The following FAM117B variants were observed in gnomAD, a reference collection of about 807,000 sequenced individuals.
FAM117B encodes protein FAM117B.
A neutral mutation model predicts 52.8 loss-of-function variants in FAM117B; 22 were observed. That is an observed-to-expected ratio of 0.42 (90% CI 0.30 to 0.59). The LOEUF (loss-of-function observed/expected upper bound fraction) is 0.59. FAM117B is among the 20% of genes least tolerant of loss of function. FAM117B has a pLI of 0.22. For synonymous variants in FAM117B, 309 were observed against 324.1 expected (o/e 0.95, Z 0.50); for missense variants, 678 against 802.6 (o/e 0.84, Z 1.88).
At chr2:202,702,198 C>T (rs62194143) in intron 2 of FAM117B, among the ~76,000 whole-genome samples, 7,787 of 152,056 alleles carry the variant, frequency 0.051, 243 homozygotes, top group Middle Eastern at 0.088. Flanking sequence ...CGAGACCAGC[C>T]GGACCAACAT....
At chr2:202,699,152 T>C (rs1034078976) in intron 2 of FAM117B, among the ~76,000 whole-genome samples, 1 of 151,724 alleles carries the variant, frequency 6.6e-6, no homozygotes, top group Non-Finnish European at 1.5e-5. Flanking sequence ...TAGATCTGGG[T>C]GTGGTGGCTC....
At chr2:202,706,723 T>G (rs898852289) in intron 2 of FAM117B, among the ~76,000 whole-genome samples, 1 of 152,220 alleles carries the variant, frequency 6.6e-6, no homozygotes, top group African/African-American at 2.4e-5. Flanking sequence ...AGAAGTAAAA[T>G]TACTTTTTGA....
At chr2:202,682,124 C>G (rs1690471422) in intron 1 of FAM117B, among the ~76,000 whole-genome samples, 1 of 152,194 alleles carries the variant, frequency 6.6e-6, no homozygotes, top group Non-Finnish European at 1.5e-5. Context: ...TTTTCAGCTC[C>G]TCTTCACACT....
intron 1 of FAM117B, among the ~76,000 whole-genome samples, chr2:202,637,661 G>A (rs1033273317): frequency 6.6e-6 from 1 of 152,158 alleles, no homozygotes; most frequent in African/African-American, 2.4e-5. Context: ...CTATTTGGCA[G>A]GTGGTTTTTA....
intron 1 of FAM117B, among the ~76,000 whole-genome samples, chr2:202,686,895 A>G (rs936242098): frequency 6.6e-6 from 1 of 152,160 alleles, no homozygotes; most frequent in Non-Finnish European, 1.5e-5. Flanking sequence ...TAGGATACAT[A>G]TATATTTTAT....
At chr2:202,636,270 C>A (rs1689685426) in intron 1 of FAM117B, among the ~76,000 whole-genome samples, 1 of 152,202 alleles carries the variant, frequency 6.6e-6, no homozygotes. Context: ...AATGCATTAG[C>A]AGTGGCAGAT....
intron 4 of FAM117B, among the ~76,000 whole-genome samples, chr2:202,751,172 TA>T (rs1444325418): frequency 6.6e-6 from 1 of 152,246 alleles, no homozygotes; most frequent in African/African-American, 2.4e-5. Context: ...ACAATTCACC[TA>T]AAAATTGCAT....
intron 4 of FAM117B, among the ~76,000 whole-genome samples, chr2:202,741,170 C>T (rs1192701673): frequency 6.6e-6 from 1 of 151,830 alleles, no homozygotes; most frequent in Non-Finnish European, 1.5e-5. Flanking sequence ...TGCCTTAATC[C>T]CAGCACTTTG....
At chr2:202,761,806 C>T (rs2105801362) in intron 7 of FAM117B, among the ~76,000 whole-genome samples, 1 of 152,222 alleles carries the variant, frequency 6.6e-6, no homozygotes, top group African/African-American at 2.4e-5. Context: ...GGATTACAGG[C>T]ATGAGCCACC....
intron 4 of FAM117B, among the ~76,000 whole-genome samples, chr2:202,754,967 T>C (rs2105799057): frequency 6.6e-6 from 1 of 151,370 alleles, no homozygotes; most frequent in East Asian, 1.9e-4. Flanking sequence ...TGGCATTTAC[T>C]TGGTGTCCGG....
At chr2:202,644,064 G>GTTTTTTTTTTTTTTTTTTTTC (rs1689818012) in intron 1 of FAM117B, among the ~76,000 whole-genome samples, 1 of 95,138 alleles carries the variant, frequency 1.1e-5, no homozygotes, top group Non-Finnish European at 1.9e-5. Context: ...TTTTTTTTTT[G>GTTTTTTTTTTTTTTTTTTTTC]TTTTTTTTTT....
intron 2 of FAM117B, among the ~76,000 whole-genome samples, chr2:202,703,469 C>A (rs1196023498): frequency 6.6e-6 from 1 of 152,198 alleles, no homozygotes; most frequent in Admixed American, 6.5e-5. Context: ...GCCTCCCCTG[C>A]CCAGCCTCCT....
intron 1 of FAM117B, among the ~76,000 whole-genome samples, chr2:202,636,246 G>A (rs571768927): frequency 6.6e-6 from 1 of 152,232 alleles, no homozygotes; most frequent in Non-Finnish European, 1.5e-5. Flanking sequence ...AACAGTTTCA[G>A]ATCTGGGGTA....
At chr2:202,658,192 G>A (rs1559095990) in intron 1 of FAM117B, among the ~76,000 whole-genome samples, 1 of 152,080 alleles carries the variant, frequency 6.6e-6, no homozygotes, top group East Asian at 1.9e-4. Flanking sequence ...TATTCCTGAA[G>A]TTAGTTTCCC....
At chr2:202,640,406 G>A (rs1453024379) in intron 1 of FAM117B, among the ~76,000 whole-genome samples, 2 of 141,292 alleles carry the variant, frequency 1.4e-5, no homozygotes, top group Non-Finnish European at 1.5e-5. Context: ...GTATAAATTC[G>A]TTTGTTTATT....
At chr2:202,684,690 G>C (rs1424968222) in intron 1 of FAM117B, among the ~76,000 whole-genome samples, 1 of 150,662 alleles carries the variant, frequency 6.6e-6, no homozygotes, top group African/African-American at 2.5e-5. Context: ...ATGAATTATA[G>C]TGCTGTTGCC....
In FAM117B at chr2:202,765,862, C is replaced by T; in HGVS notation, c.*98C>T. 5 of 1,253,680 alleles carry T rather than the reference C, an allele frequency of 4.0e-6. No individual in the cohort carries two copies. Among genetic ancestry groups the T allele is most frequent in the Middle Eastern group, 2.1e-4 (1 of 4,834 alleles). 77.7% of individuals were successfully genotyped at this position (1,253,680 alleles called of 1,614,324 possible). A position where few individuals can be genotyped will look rare whatever the true frequency, so the allele number is the denominator to read the frequency against. ...TGCGCTTCTGGTCGGCTGTGATGTG[C>T]TCCAGCTTTCCAGTGACATGTGACG... On this transcript the variant is annotated 3_prime_UTR_variant, in exon 8 of 8. Transcript: ENST00000392238.
chr2:202,642,038 G>T (rs987022030), intron 1 of FAM117B, among the ~76,000 whole-genome samples: 1 of 150,410 alleles, frequency 6.6e-6, no homozygotes, highest in African/African-American at 2.4e-5. Context: ...CGCCTCCCAG[G>T]TTCAAGCCAT....
At chr2:202,686,734 GA>G (rs368537397) in intron 1 of FAM117B, among the ~76,000 whole-genome samples, 70 of 152,096 alleles carry the variant, frequency 4.6e-4, no homozygotes, top group African/African-American at 1.7e-3. Context: ...CTGAACCTGG[GA>G]GGGGGAGGTT....
Sources: allele counts gnomAD v4.1 joint callset (sites outside exome capture counted in the v4.1 genomes callset), GRCh38; gene constraint gnomAD v4.1.1; transcripts MANE v1.5; gene names NCBI Gene and HGNC (gene_info 2026-07-23, HGNC 2026-07-21).